The following PCDHAC2 variants were observed in gnomAD, a reference collection of about 807,000 sequenced individuals.
The protein encoded by PCDHAC2 is protocadherin alpha-C2.
PCDHAC2 carries 24 observed loss-of-function variants against 63.3 expected under a neutral mutation model. The observed-to-expected ratio is 0.38, with a 90% CI of 0.27 to 0.53. PCDHAC2 has a LOEUF of 0.53. PCDHAC2 is among the 20% of genes least tolerant of loss of function. The probability of loss-of-function intolerance (pLI) is 0.81; values close to 1 mark genes in which losing one functional copy is unlikely to be tolerated. For synonymous variants in PCDHAC2, 569 were observed against 529.4 expected (o/e 1.07, Z -1.03); for missense variants, 1,181 against 1,275.2 (o/e 0.93, Z 1.12).
In PCDHAC2 at chr5:141,010,093, T is replaced by A. The variant is rs2098416026; in HGVS notation, c.*156T>A. On this transcript the variant is annotated 3_prime_UTR_variant, in exon 4 of 4. Transcript: ENST00000289269. The stretch of plus-strand genomic sequence containing the variant: ...TTCCCTGTGTCTGTCTAGAACGCAT[T>A]TAACAGGTTTTGTCGTAAAAGCTTT... 4 of 1,612,692 alleles carry A rather than the reference T, an allele frequency of 2.5e-6. No homozygotes were observed. Among genetic ancestry groups the A allele is most frequent in the Non-Finnish European group, 3.4e-6 (4 of 1,179,392 alleles).
intron 3 of PCDHAC2, among the ~76,000 whole-genome samples, chr5:140,999,619 G>A (rs2097865766): frequency 6.6e-6 from 1 of 152,146 alleles, no homozygotes; most frequent in Non-Finnish European, 1.5e-5. Flanking sequence ...TTATCAACCA[G>A]GAAACAAGGT....
chr5:140,967,119 T>C lies in PCDHAC2; in HGVS notation c.353T>C (p.Leu118Pro), dbSNP rs374670692. 97 of 1,612,790 alleles carry C rather than the reference T, an allele frequency of 6.0e-5. No homozygotes were observed. The highest frequency in any genetic ancestry group is 8.1e-5 in the Non-Finnish European group (95 of 1,179,410). The stretch of plus-strand genomic sequence containing the variant: ...CTGTGTGAGCAGCGGCCTCGCTGCC[T>C]GCTCAGCTTGGAAGTGCTGGCGCAC... ...EALCEQRPRC[L>P]LSLEVLAHNP... Residue 118 changes from leucine to proline, a missense_variant, in exon 1 of 4, where the codon CTG becomes CCG. Physicochemically the swap from Leu to Pro is moderately conservative, Grantham distance 98. Transcript: ENST00000289269.
At position 140,996,204 on chromosome 5, in the gene PCDHAC2, A is replaced by G. The variant is rs1405552013; in HGVS notation, c.2714-13423A>G. ...TCCATTTTATACCCTCAATGCAAGG[A>G]TATCACTACTTGTCTAGAAATGGTT... On this transcript the variant is annotated intron_variant, in intron 3 of 3. Coordinates refer to ENST00000289269, the MANE Select transcript of PCDHAC2 (RefSeq NM_018899.6). Among the ~76,000 whole-genome samples the G allele has an allele frequency of 7.2e-5, 11 of 152,240 alleles. No homozygotes were observed. The South Asian group carries it at 2.3e-3, about 32-fold the overall frequency.
chr5:140,976,814 A>G (rs1276394910), intron 1 of PCDHAC2, among the ~76,000 whole-genome samples: 1 of 152,242 alleles, frequency 6.6e-6, no homozygotes, highest in East Asian at 1.9e-4. Flanking sequence ...GAAGATATGC[A>G]TGTGTCTAAT....
In PCDHAC2 at chr5:141,012,118, T is replaced by C. The variant is rs2098422988; in HGVS notation, c.*2181T>C. 6.5e-6 allele frequency: 1 copy of C among 153,768 alleles called. No individual in the cohort carries two copies. The highest frequency in any genetic ancestry group is 2.4e-5 in the African/African-American group (1 of 41,458). The allele number at this position is 153,768 out of a possible 1,614,324, so 9.5% of individuals were successfully genotyped here. A position where few individuals can be genotyped will look rare whatever the true frequency, so the allele number is the denominator to read the frequency against. On this transcript the variant is annotated 3_prime_UTR_variant, in exon 4 of 4. Coordinates refer to ENST00000289269, the MANE Select transcript of PCDHAC2 (RefSeq NM_018899.6). ...TCATTTTGCCCCACTGAAGCCCATG[T>C]ATCTGACCTTACGTGCCTTTTGAAC...
intron 3 of PCDHAC2, among the ~76,000 whole-genome samples, chr5:140,993,183 A>C (rs551464442): frequency 2.7e-4 from 41 of 152,298 alleles, no homozygotes; most frequent in Non-Finnish European, 5.0e-4. Flanking sequence ...ATTTCTTTAG[A>C]GGGAAACTCA....
rs782350843 is a variant in PCDHAC2 at position 140,967,226 on chromosome 5, C to G, written c.460C>G (p.Gln154Glu). 1 of 1,613,746 alleles carries G rather than the reference C, an allele frequency of 6.2e-7. No homozygotes were observed. The highest frequency in any genetic ancestry group is 8.5e-7 in the Non-Finnish European group (1 of 1,179,930). Residue 154 changes from glutamine to glutamate, a missense_variant, in exon 1 of 4, where the codon CAG becomes GAG. Physicochemically the swap from Gln to Glu is conservative, Grantham distance 29. Around this residue, in one of 3 missense-constraint regions of PCDHAC2, gnomAD observed 968 missense variants for 1,073.5 expected, o/e 0.90. Coordinates refer to ENST00000289269, the MANE Select transcript of PCDHAC2 (RefSeq NM_018899.6). ...ACCGCGTTTCCCGCGGCCCAACTAC[C>G]AGCTTCAGGTAAGCGAATCGGTGGC... ...NSPRFPRPNY[Q>E]LQVSESVAPG...
rs140124026 is a variant in PCDHAC2, at chr5:140,973,683, C to T, written c.2565+4352C>T. On this transcript the variant is annotated intron_variant, in intron 1 of 3. Coordinates refer to ENST00000289269, the MANE Select transcript of PCDHAC2 (RefSeq NM_018899.6). ...TTTATTGTAGCTTGAATGTCATTGG[C>T]CTACTGTTTCCTTCTGACCCAGGAG... is the stretch of plus-strand genomic sequence containing the variant. Among the ~76,000 whole-genome samples, 5 of 152,316 alleles carry T rather than the reference C, an allele frequency of 3.3e-5. No homozygotes were observed. The East Asian group carries it at 7.7e-4, about 24-fold the overall frequency.
Position 141,009,653 on chromosome 5 carries a change from C to T in PCDHAC2, c.2740C>T (p.Pro914Ser). ...ACCAGAGGCAGGAGAAGTGTCCCCTCCAGTCGGTGCGGGTGTCAACAGCAA... is the reference window on the plus strand; with the variant it reads ...ACCAGAGGCAGGAGAAGTGTCCCCTTCAGTCGGTGCGGGTGTCAACAGCAA... The part of the protein sequence containing the change: ...PEPEAGEVSP[P>S]VGAGVNSNSW... The change falls in exon 4 of 4, where the codon CCA becomes TCA. Residue 914 changes from proline (P) to serine (S), a missense_variant. Physicochemically the swap from Pro to Ser is moderately conservative, Grantham distance 74. Transcript: ENST00000289269. 1 of 1,613,998 alleles carries T rather than the reference C, an allele frequency of 6.2e-7. No individual in the cohort carries two copies. The highest frequency in any genetic ancestry group is 8.5e-7 in the Non-Finnish European group (1 of 1,179,950).
At position 141,010,163 on chromosome 5, in the gene PCDHAC2, C is replaced by T; in HGVS notation, c.*226C>T. Reference sequence around the variant, plus strand: ...CTTTCTCTCCACTCTGGCTTGTTTTCAGAACCTAAAAAGCAGACCCAAGTT... The same window carrying T: ...CTTTCTCTCCACTCTGGCTTGTTTTTAGAACCTAAAAAGCAGACCCAAGTT... On this transcript the variant is annotated 3_prime_UTR_variant, in exon 4 of 4. Transcript: ENST00000289269. 1 of 1,565,826 alleles carries T rather than the reference C, an allele frequency of 6.4e-7. No homozygotes were observed. The highest frequency in any genetic ancestry group is 8.7e-7 in the Non-Finnish European group (1 of 1,154,220).
intron 1 of PCDHAC2, among the ~76,000 whole-genome samples, chr5:140,969,673 G>A (rs1226601717): frequency 3.3e-5 from 5 of 152,170 alleles, no homozygotes; most frequent in African/African-American, 9.7e-5. Flanking sequence ...AATGTTATGA[G>A]ACTCAAGGAG....
intron 2 of PCDHAC2, 164 bp downstream of exon 2, chr5:140,979,171 C>T (rs1586797637): frequency 4.2e-6 from 4 of 960,866 alleles, no homozygotes; most frequent in South Asian, 4.8e-5. Context: ...CTTGAAAGAT[C>T]GCAAATGGTC....
At chr5:140,975,022 G>A (rs2096650178) in intron 1 of PCDHAC2, among the ~76,000 whole-genome samples, 2 of 152,188 alleles carry the variant, frequency 1.3e-5, no homozygotes, top group Admixed American at 1.3e-4. Context: ...GCTGGGCTGT[G>A]TTGTCCTTTG....
chr5:141,009,563 C>T (rs1588242901), intron 3 of PCDHAC2, 64 bp from the exon 4 acceptor site: 2 of 1,571,920 alleles, frequency 1.3e-6, no homozygotes, highest in Non-Finnish European at 1.7e-6. Flanking sequence ...TGTACTCTAC[C>T]AGCAGTGTGG....
chr5:140,971,902 T>G (rs1554233695), intron 1 of PCDHAC2, among the ~76,000 whole-genome samples: 2 of 152,280 alleles, frequency 1.3e-5, no homozygotes, highest in Admixed American at 1.3e-4. Flanking sequence ...GGTTAGGTAA[T>G]CTACACAGCC....
At chr5:140,999,993 G>A (rs529237834) in intron 3 of PCDHAC2, among the ~76,000 whole-genome samples, 1 of 152,114 alleles carries the variant, frequency 6.6e-6, no homozygotes, top group African/African-American at 2.4e-5. Flanking sequence ...CTGGGTAGTG[G>A]TATTAGATTG....
At chr5:140,995,903 G>A (rs1554254885) in intron 3 of PCDHAC2, among the ~76,000 whole-genome samples, 2 of 152,206 alleles carry the variant, frequency 1.3e-5, no homozygotes, top group East Asian at 1.9e-4. Flanking sequence ...ATGTATAAAA[G>A]AGGAGAGACC....
chr5:140,995,674 A>AT (rs1240189428), intron 3 of PCDHAC2, among the ~76,000 whole-genome samples: 2 of 152,112 alleles, frequency 1.3e-5, no homozygotes, highest in South Asian at 2.1e-4. Context: ...TAAATGCAGC[A>AT]TTTTTTTTAA....
At position 141,010,922 on chromosome 5, in the gene PCDHAC2, A is replaced by G. The variant is rs1263879494; in HGVS notation, c.*985A>G. The G allele has an allele frequency of 5.2e-5, 8 of 153,814 alleles. No homozygotes were observed. Among genetic ancestry groups the G allele is most frequent in the African/African-American group, 1.9e-4 (8 of 41,474 alleles). The allele number at this position is 153,814 out of a possible 1,614,324, so 9.5% of individuals were successfully genotyped here. A position where few individuals can be genotyped will look rare whatever the true frequency, so the allele number is the denominator to read the frequency against. ...TTCCCCTAAACTCTCCTCAAAAGAG[A>G]ATTCAGTCTACAGCCATTTAAATGA... On this transcript the variant is annotated 3_prime_UTR_variant, in exon 4 of 4. Transcript: ENST00000289269.
Sources: gnomAD v4.1 joint callset for allele counts (sites outside exome capture counted in the v4.1 genomes callset) on GRCh38, gnomAD v4.1.1 for gene constraint, gnomAD v4.1.1 regional missense constraint, MANE v1.5 for transcripts, NCBI Gene and HGNC (gene_info 2026-07-23, HGNC 2026-07-21) for gene names.